The following MTMR3 variants were observed in gnomAD, a reference collection of about 807,000 sequenced individuals.
MTMR3 encodes the protein phosphatidylinositol-3,5-bisphosphate 3-phosphatase MTMR3.
A neutral mutation model predicts 132.4 loss-of-function variants in MTMR3; 32 were observed. That is an observed-to-expected ratio of 0.24 (90% CI 0.18 to 0.32). The LOEUF is 0.32. Ranked by LOEUF, MTMR3 falls within the 10% of genes least tolerant of loss-of-function variation. The pLI, the probability that MTMR3 is intolerant of heterozygous loss-of-function variation, is 1.00. For missense variants in MTMR3, 1,216 were observed against 1,489.6 expected, an observed-to-expected ratio of 0.82 and a Z score of 3.02; for synonymous variants, 556 against 550.3, an observed-to-expected ratio of 1.01 and a Z score of -0.14.
chr22:29,926,914 C>A (rs1367679087), intron 1 of MTMR3, among the ~76,000 whole-genome samples: 2 of 152,098 alleles, frequency 1.3e-5, no homozygotes, highest in Non-Finnish European at 2.9e-5. Context: ...ATTGCCTAAT[C>A]TAAGGTTATG....
chr22:29,901,383 G>A (rs2065000006), intron 1 of MTMR3, among the ~76,000 whole-genome samples: 1 of 151,944 alleles, frequency 6.6e-6, no homozygotes, highest in Admixed American at 6.6e-5. Flanking sequence ...AAAGTTTAGT[G>A]TTCTTGCTTC....
At chr22:29,974,422 G>A (rs369795186) in intron 3 of MTMR3, among the ~76,000 whole-genome samples, 1 of 152,176 alleles carries the variant, frequency 6.6e-6, no homozygotes, top group East Asian at 1.9e-4. Flanking sequence ...GTGTACAAGG[G>A]GAGAAAAGTT....
intron 2 of MTMR3, among the ~76,000 whole-genome samples, chr22:29,961,884 A>G (rs1189528462): frequency 6.6e-6 from 1 of 152,260 alleles, no homozygotes; most frequent in African/African-American, 2.4e-5. Context: ...TAGATATACA[A>G]ATAGGGAGCA....
chr22:29,924,546 C>T (rs1005345432), intron 1 of MTMR3, among the ~76,000 whole-genome samples: 2 of 152,096 alleles, frequency 1.3e-5, no homozygotes, highest in East Asian at 3.8e-4. Flanking sequence ...ATTCGGGGTT[C>T]TTTGAAATTC....
At position 30,018,065 on chromosome 22, in the gene MTMR3, C is replaced by A. The variant is rs752392630; in HGVS notation, c.1813C>A (p.Leu605Met). ...APGTSPDDPPLSRLPKTRSYD... is the reference protein window; with the variant it reads ...APGTSPDDPPMSRLPKTRSYD... ...AGGCACCAGCCCTGATGATCCCCCC[C>A]TGAGCCGGTGAGCCCAGGGTGATGC... The change falls in exon 16 of 20, where the codon CTG (leucine) becomes ATG (methionine). Residue 605 changes from leucine (L) to methionine (M), a missense_variant. Physicochemically the swap from Leu to Met is conservative, Grantham distance 15. Coordinates refer to ENST00000401950, the MANE Select transcript of MTMR3 (RefSeq NM_021090.4). The A allele has an allele frequency of 1.1e-5, 18 of 1,607,390 alleles. No individual in the cohort carries two copies. The highest frequency in any genetic ancestry group is 1.5e-5 in the Non-Finnish European group (18 of 1,177,914).
At position 30,022,653 on chromosome 22, in the gene MTMR3, G is replaced by T. The variant is rs769960632; in HGVS notation, c.3381G>T (p.Ala1127=). 1.3e-5 allele frequency: 21 copies of T among 1,611,920 alleles called. No homozygotes were observed. The Admixed American group carries it at 2.3e-4, about 18-fold the overall frequency. ...LPDHLAAHCY[A]CDSAFWLASR... is the part of the protein sequence containing the mutation. ...ACCACCTGGCCGCCCACTGCTATGC[G>T]TGCGACAGTGCCTTCTGGCTTGCCA... Residue 1127 remains alanine, a synonymous_variant, in exon 19 of 20, where the codon GCG becomes GCT. Transcript: ENST00000401950.
intron 1 of MTMR3, among the ~76,000 whole-genome samples, chr22:29,922,943 C>T (rs1319442166): frequency 6.8e-6 from 1 of 147,740 alleles, no homozygotes; most frequent in East Asian, 2.0e-4. Flanking sequence ...GACTGGAGTG[C>T]GGTGGGGTGA....
At chr22:29,889,288 T>C (rs960882399) in intron 1 of MTMR3, among the ~76,000 whole-genome samples, 2 of 148,822 alleles carry the variant, frequency 1.3e-5, no homozygotes, top group African/African-American at 4.9e-5. Context: ...ACGGAACTTT[T>C]TTTTTTTTTT....
intron 7 of MTMR3, 89 bp from the exon 8 acceptor site, chr22:29,998,672 A>C: frequency 3.0e-6 from 2 of 668,230 alleles, no homozygotes; most frequent in Non-Finnish European, 4.9e-6. Flanking sequence ...ACATATATGT[A>C]ACATATGTAT....
chr22:29,911,346 C>T (rs763440449), intron 1 of MTMR3, among the ~76,000 whole-genome samples: 1 of 151,994 alleles, frequency 6.6e-6, no homozygotes, highest in African/African-American at 2.4e-5. Flanking sequence ...GAGTTGGAGA[C>T]CAGCCTGGGC....
At chr22:29,908,182 A>T (rs943506811) in intron 1 of MTMR3, among the ~76,000 whole-genome samples, 1 of 152,316 alleles carries the variant, frequency 6.6e-6, no homozygotes, top group Admixed American at 6.5e-5. Context: ...ACCGTGGTGG[A>T]AGCTTTCCTT....
At chr22:30,005,207 A>T (rs1402174484) in intron 9 of MTMR3, 2 of 152,186 alleles carry the variant, frequency 1.3e-5, no homozygotes, top group African/African-American at 4.8e-5. Flanking sequence ...TGGACATCAT[A>T]ATTTTTATAC....
chr22:29,941,026 CT>C (rs1311401043), intron 1 of MTMR3, among the ~76,000 whole-genome samples: 1 of 150,146 alleles, frequency 6.7e-6, no homozygotes, highest in African/African-American at 2.5e-5. Flanking sequence ...TGATACAGAA[CT>C]TTTACATCAC....
chr22:29,977,218 G>A (rs905073317), intron 3 of MTMR3, among the ~76,000 whole-genome samples: 23 of 152,240 alleles, frequency 1.5e-4, no homozygotes, highest in South Asian at 8.3e-4. Flanking sequence ...CTTGAGCCCC[G>A]GAGTTGGAGG....
chr22:29,911,661 T>C (rs1159810650), intron 1 of MTMR3, among the ~76,000 whole-genome samples: 1 of 152,118 alleles, frequency 6.6e-6, no homozygotes, highest in Non-Finnish European at 1.5e-5. Flanking sequence ...TCCAGTGGGC[T>C]TTCTACGTAT....
At chr22:29,888,273 G>A (rs1240181896) in intron 1 of MTMR3, among the ~76,000 whole-genome samples, 1 of 151,904 alleles carries the variant, frequency 6.6e-6, no homozygotes, top group Non-Finnish European at 1.5e-5. Flanking sequence ...TTGAACTCCT[G>A]GGCTCAAAGG....
At chr22:29,986,252 T>C (rs2066855484) in intron 5 of MTMR3, 1 of 152,204 alleles carries the variant, frequency 6.6e-6, no homozygotes, top group South Asian at 2.1e-4. Context: ...AAATTTTAAT[T>C]GGTAACATTT....
At chr22:29,898,198 A>G (rs1568995038) in intron 1 of MTMR3, among the ~76,000 whole-genome samples, 1 of 152,178 alleles carries the variant, frequency 6.6e-6, no homozygotes, top group Non-Finnish European at 1.5e-5. Flanking sequence ...ATAGTACACA[A>G]TTTTAGTCCT....
chr22:29,908,982 C>T (rs888747083), intron 1 of MTMR3, among the ~76,000 whole-genome samples: 3 of 139,716 alleles, frequency 2.1e-5, no homozygotes, highest in East Asian at 2.0e-4. Context: ...CTTTTCTTTT[C>T]TTTTTTTTTT....
Sources: allele counts gnomAD v4.1 joint callset (sites outside exome capture counted in the v4.1 genomes callset), GRCh38; gene constraint gnomAD v4.1.1; transcripts MANE v1.5; gene names NCBI Gene and HGNC (gene_info 2026-07-23, HGNC 2026-07-21).